The following KATNIP variants were observed in gnomAD, a reference collection of about 807,000 sequenced individuals.
The protein encoded by KATNIP is katanin interacting protein, also known as katanin-interacting protein.
In KATNIP, 126 loss-of-function variants were observed where a neutral mutation model predicts 174.0. That is an observed-to-expected ratio of 0.72 (90% CI 0.63 to 0.84). The LOEUF is 0.84. KATNIP is among the 40% of genes least tolerant of loss of function. The pLI is 0.00. For missense variants in KATNIP, 1,958 were observed against 2,109.7 expected, an observed-to-expected ratio of 0.93 and a Z score of 1.41; for synonymous variants, 810 against 835.7, an observed-to-expected ratio of 0.97 and a Z score of 0.53.
At chr16:27,770,545 C>T (rs1409756166) in intron 21 of KATNIP, among the ~76,000 whole-genome samples, 1 of 152,238 alleles carries the variant, frequency 6.6e-6, no homozygotes, top group Non-Finnish European at 1.5e-5. Flanking sequence ...AAATGAGTTT[C>T]CCTGCACTGT....
chr16:27,757,153 C>T (rs150062243), intron 18 of KATNIP, among the ~76,000 whole-genome samples: 2 of 152,292 alleles, frequency 1.3e-5, no homozygotes, highest in East Asian at 3.9e-4. Flanking sequence ...AGTGCAAACA[C>T]AGCTCACTGC....
rs755734659 is a variant in KATNIP at position 27,708,772 on chromosome 16, A to G, written c.1457A>G (p.Asn486Ser). The change falls in exon 13 of 28, where the codon AAC becomes AGC. Residue 486 changes from asparagine (N) to serine (S), a missense_variant. Physicochemically the swap from Asn to Ser is conservative, Grantham distance 46 (BLOSUM62 1). This residue lies in a region of KATNIP where 1,557 missense variants were observed against 1,617.8 expected (regional missense o/e 0.96). Transcript: ENST00000261588. ...TACGTGACCATGGAGATCCTGTCCA[A>G]CTGGGGCAACTCGTGGTGGGTGGGT... is the stretch of plus-strand genomic sequence containing the variant. The part of the protein sequence containing the change: ...AIYVTMEILS[N>S]WGNSWWVGLT... 3 of 1,614,022 alleles carry G rather than the reference A, an allele frequency of 1.9e-6. No individual in the cohort carries two copies. Among genetic ancestry groups the G allele is most frequent in the Admixed American group, 3.3e-5 (2 of 59,972 alleles).
At chr16:27,558,798 T>G (rs569498232) in intron 1 of KATNIP, among the ~76,000 whole-genome samples, 1 of 151,134 alleles carries the variant, frequency 6.6e-6, no homozygotes, top group Admixed American at 6.6e-5. Flanking sequence ...CAGATCTGAT[T>G]TGATTCCTGA....
At chr16:27,695,356 C>T (rs2078878044) in intron 8 of KATNIP, among the ~76,000 whole-genome samples, 1 of 152,242 alleles carries the variant, frequency 6.6e-6, no homozygotes, top group African/African-American at 2.4e-5. Context: ...CCCTTTCAGG[C>T]CTTCTGTCAA....
At chr16:27,653,955 G>C (rs1256952435) in intron 6 of KATNIP, among the ~76,000 whole-genome samples, 2 of 151,498 alleles carry the variant, frequency 1.3e-5, no homozygotes, top group Non-Finnish European at 2.9e-5. Context: ...ACAAGGCTAA[G>C]CCACCATGGC....
chr16:27,606,148 A>G (rs1297119801), intron 2 of KATNIP, among the ~76,000 whole-genome samples: 1 of 152,076 alleles, frequency 6.6e-6, no homozygotes, highest in Non-Finnish European at 1.5e-5. Context: ...AGAGAAAAAG[A>G]AGCAGGCTCA....
At chr16:27,631,033 C>T (rs2076471927) in intron 4 of KATNIP, 32 bp from the exon 5 acceptor site, 1 of 1,525,966 alleles carries the variant, frequency 6.6e-7, no homozygotes, top group African/African-American at 1.4e-5. Context: ...ATCAGTGCCT[C>T]ACCAAGTCTC....
rs761088926 is a variant in KATNIP at position 27,751,742 on chromosome 16, A to G, written c.3370A>G (p.Ile1124Val). The G allele has an allele frequency of 1.6e-5, 26 of 1,614,074 alleles. No individual in the cohort carries two copies. The South Asian group carries it at 2.4e-4, about 15-fold the overall frequency. The stretch of plus-strand genomic sequence containing the variant: ...AGCCCCAGAGCACTTTGGAGACACG[A>G]TCTTATTCACAACCGATGATGACAT... The part of the protein sequence containing the change: ...AGAPEHFGDT[I>V]LFTTDDDILE... The change falls in exon 17 of 28, where the codon ATC becomes GTC. Residue 1124 changes from isoleucine (I) to valine (V), a missense_variant. By Grantham distance (29) the Ile-to-Val change is conservative (BLOSUM62 3). Around this residue, in one of 3 missense-constraint regions of KATNIP, gnomAD observed 1,557 missense variants for 1,617.8 expected, o/e 0.96. Transcript: ENST00000261588.
intron 13 of KATNIP, among the ~76,000 whole-genome samples, chr16:27,711,265 C>A (rs1019188300): frequency 1.3e-5 from 2 of 152,132 alleles, no homozygotes; most frequent in South Asian, 2.1e-4. Context: ...TGGAAAGATT[C>A]TTTTCTCAGA....
Position 27,750,014 on chromosome 16 carries a change from C to T in KATNIP, c.3054C>T (p.Ile1018=). 1 of 1,614,162 alleles carries T rather than the reference C, an allele frequency of 6.2e-7. No homozygotes were observed. The highest frequency in any genetic ancestry group is 8.5e-7 in the Non-Finnish European group (1 of 1,180,028). The change falls in exon 16 of 28, where the codon ATC becomes ATT. Residue 1018 remains isoleucine, a synonymous_variant. Coordinates refer to ENST00000261588, the MANE Select transcript of KATNIP (RefSeq NM_015202.5). ...ISNIKADPPD[I]NILPAYGKDP... ...ACATAAAAGCAGACCCTCCCGATAT[C>T]AATATTTTACCAGCCTATGGGAAAG...
At position 27,588,497 on chromosome 16, in the gene KATNIP, G is replaced by A. The variant is rs369362119; in HGVS notation, c.63+14541G>A. Reference sequence around the variant, plus strand: ...TTGTTTTGTTTTGTTTTGTTTTGGAGAAAGGCCTTGCTCTGCCACTCAGGC... The same window carrying A: ...TTGTTTTGTTTTGTTTTGTTTTGGAAAAAGGCCTTGCTCTGCCACTCAGGC... On this transcript the variant is annotated intron_variant, in intron 2 of 27. Coordinates refer to ENST00000261588, the MANE Select transcript of KATNIP (RefSeq NM_015202.5). Among the ~76,000 whole-genome samples, 167 of 152,042 alleles carry A rather than the reference G, an allele frequency of 1.1e-3. 1 individual carries two copies. The South Asian group carries it at 0.032, about 29-fold the overall frequency.
At chr16:27,552,544 T>C (rs1250680022) in intron 1 of KATNIP, among the ~76,000 whole-genome samples, 2 of 150,586 alleles carry the variant, frequency 1.3e-5, no homozygotes, top group African/African-American at 4.9e-5. Flanking sequence ...CCAGCTAATT[T>C]TTTTTATTTT....
Position 27,777,093 on chromosome 16 carries a change from A to G in KATNIP, c.4551+64A>G, listed in dbSNP as rs1567439109. On this transcript the variant is annotated intron_variant, in intron 25 of 27. Transcript: ENST00000261588. This position sits in a 1 kb window ranked among gnomAD's most constrained non-coding sequence, Gnocchi z 4.4. ...CTCGTTGGTAATTAGGCCGCCGGCA[A>G]TTATCATTTGTCGCAGTTTGATTTA... is the stretch of plus-strand genomic sequence containing the variant. 1.9e-6 allele frequency: 2 copies of G among 1,044,402 alleles called. No homozygotes were observed. The highest frequency in any genetic ancestry group is 3.0e-6 in the Non-Finnish European group (2 of 666,210). 64.7% of individuals were successfully genotyped at this position (1,044,402 alleles called of 1,614,324 possible).
rs776264148 is a variant in KATNIP at position 27,648,653 on chromosome 16, C to A, written c.458C>A (p.Pro153His). 10 of 1,614,068 alleles carry A rather than the reference C, an allele frequency of 6.2e-6. No homozygotes were observed. The African/African-American group carries it at 1.2e-4, about 19-fold the overall frequency. Residue 153 changes from proline (P) to histidine (H), a missense_variant, in exon 6 of 28, where the codon CCT (proline) becomes CAT (histidine). By Grantham distance (77) the Pro-to-His change is moderately conservative. Transcript: ENST00000261588. ...TEAGPRLHIE[P>H]PVDYSDDFEL... ...GCTGGCCCACGGCTCCACATCGAAC[C>A]TCCTGTGGACTATTCTGATGATTTT...
chr16:27,567,101 C>G lies in KATNIP; in HGVS notation c.8-6800C>G, dbSNP rs371801636. 7.2e-5 allele frequency among the ~76,000 whole-genome samples: 11 copies of G among 152,128 alleles called. No homozygotes were observed. In the East Asian group the frequency reaches 1.9e-3, roughly 27 times the overall value. ...ATCTCTTAAAAGAAGTCAGTTTGTC[C>G]TCCAAAAATATTGTGTTCTCTTTCC... On this transcript the variant is annotated intron_variant, in intron 1 of 27. Transcript: ENST00000261588.
In KATNIP at chr16:27,778,737, C is replaced by A; in HGVS notation, c.*108C>A. 8.6e-7 allele frequency: 1 copy of A among 1,164,888 alleles called. No individual in the cohort carries two copies. The highest frequency in any genetic ancestry group is 1.2e-6 in the Non-Finnish European group (1 of 805,114). 72.2% of individuals were successfully genotyped at this position (1,164,888 alleles called of 1,614,324 possible). On this transcript the variant is annotated 3_prime_UTR_variant, in exon 28 of 28. Coordinates refer to ENST00000261588, the MANE Select transcript of KATNIP (RefSeq NM_015202.5). ...AGTCCCAGGAGCTGGAAGCGAACCA[C>A]AGTGTTGAGGGGAGCCCGCTGGGAA...
rs1488512501 is a variant in KATNIP at position 27,698,628 on chromosome 16, C to T, written c.1113+128C>T. ...GGGCATCGCTGACCCCAGACTCATC[C>T]GTGTTTCCACTGTTCAGACAGTCAC... On this transcript the variant is annotated intron_variant, in intron 9 of 27. Coordinates refer to ENST00000261588, the MANE Select transcript of KATNIP (RefSeq NM_015202.5). The T allele has an allele frequency of 1.4e-5, 12 of 888,672 alleles. No individual in the cohort carries two copies. In the East Asian group the frequency reaches 2.0e-4, roughly 15 times the overall value. The allele number at this position is 888,672 out of a possible 1,614,324, so 55.0% of individuals were successfully genotyped here. A position where few individuals can be genotyped will look rare whatever the true frequency, so the allele number is the denominator to read the frequency against.
chr16:27,736,699 A>G (rs1020683733), intron 14 of KATNIP, among the ~76,000 whole-genome samples: 2 of 152,214 alleles, frequency 1.3e-5, no homozygotes, highest in Non-Finnish European at 2.9e-5. Context: ...TGTCAGTGCC[A>G]TAGGAAGTCA....
chr16:27,587,147 T>G (rs1191298744), intron 2 of KATNIP, among the ~76,000 whole-genome samples: 2 of 152,140 alleles, frequency 1.3e-5, no homozygotes, highest in South Asian at 2.1e-4. Flanking sequence ...TTTCCTCAGC[T>G]GCAGAATGGA....
Sources: allele counts gnomAD v4.1 joint callset (sites outside exome capture counted in the v4.1 genomes callset), GRCh38; gene constraint gnomAD v4.1.1; regional missense constraint gnomAD v4.1.1; non-coding constraint Gnocchi (gnomAD v3.1); transcripts MANE v1.5; gene names NCBI Gene and HGNC (gene_info 2026-07-23, HGNC 2026-07-21).